SIPA1L3: variants seen among roughly 807,000 people sequenced by gnomAD.
SIPA1L3 encodes the protein signal-induced proliferation-associated 1-like protein 3.
SIPA1L3 carries 59 observed loss-of-function variants against 150.1 expected under a neutral mutation model. The ratio of observed to expected loss-of-function variants is 0.39; its 90% CI spans 0.32 to 0.49. The LOEUF (loss-of-function observed/expected upper bound fraction) is 0.49, where lower values mean the gene tolerates loss of function less well. Ranked by LOEUF, SIPA1L3 falls within the 20% of genes least tolerant of loss-of-function variation. The probability of loss-of-function intolerance (pLI) is 0.86; values close to 1 mark genes in which losing one functional copy is unlikely to be tolerated. For synonymous variants in SIPA1L3, 1,070 were observed against 1,077.6 expected, an observed-to-expected ratio of 0.99 and a Z score of 0.14; for missense variants, 2,211 against 2,489.5, an observed-to-expected ratio of 0.89 and a Z score of 2.38.
intron 2 of SIPA1L3, among the ~76,000 whole-genome samples, chr19:38,054,771 C>G (rs1197289367): frequency 7.5e-6 from 1 of 133,028 alleles, no homozygotes. Context: ...CCCTCCCACA[C>G]AGCCGTGAAG....
intron 1 of SIPA1L3, among the ~76,000 whole-genome samples, chr19:38,006,768 C>T (rs1375358990): frequency 6.6e-6 from 1 of 152,174 alleles, no homozygotes; most frequent in African/African-American, 2.4e-5. Flanking sequence ...CGGGCACACA[C>T]CCACCTTTCA....
At position 38,079,894 on chromosome 19, in the gene SIPA1L3, C is replaced by G. The variant is rs1969938202; in HGVS notation, c.-310-1362C>G. Among the ~76,000 whole-genome samples, 3 of 152,088 alleles carry G rather than the reference C, an allele frequency of 2.0e-5. No homozygotes were observed. The South Asian group carries it at 6.2e-4, about 32-fold the overall frequency. On this transcript the variant is annotated intron_variant, in intron 2 of 21. Coordinates refer to ENST00000222345, the MANE Select transcript of SIPA1L3 (RefSeq NM_015073.3). ...GAAGAACTGACATCATGGGAAGGAA[C>G]CAGCCCCAAGAAGGACTGAGGAAGG...
chr19:38,175,988 A>G (rs1972427291), intron 15 of SIPA1L3, among the ~76,000 whole-genome samples: 1 of 152,096 alleles, frequency 6.6e-6, no homozygotes, highest in Non-Finnish European at 1.5e-5. Flanking sequence ...CGGGCGGATC[A>G]TGAGGTCAGA....
chr19:38,099,969 C>A lies in SIPA1L3; in HGVS notation c.1673C>A (p.Thr558Asn). ...CTTCTCTCCCTTGAGTAGCTCATCA[C>A]CCTGCGGGGCTCCATCCTGGAAGAT... ...RIIFRTRELI[T>N]LRGSILEDAT... Residue 558 changes from threonine to asparagine, a missense_variant, in exon 5 of 22, where the codon ACC becomes AAC. Physicochemically the swap from Thr to Asn is moderately conservative, Grantham distance 65. Around this residue, in one of 5 missense-constraint regions of SIPA1L3, gnomAD observed 625 missense variants for 804.2 expected, o/e 0.78. Transcript: ENST00000222345. 1.2e-6 allele frequency: 2 copies of A among 1,605,358 alleles called. No individual in the cohort carries two copies. Among genetic ancestry groups the A allele is most frequent in the Non-Finnish European group, 1.7e-6 (2 of 1,177,122 alleles).
intron 2 of SIPA1L3, among the ~76,000 whole-genome samples, chr19:38,055,965 C>A (rs1969304890): frequency 2.6e-5 from 4 of 152,226 alleles, no homozygotes. Flanking sequence ...GATTGACTGC[C>A]AGAGCCCAAA....
chr19:38,197,526 G>A (rs982332608), intron 18 of SIPA1L3, among the ~76,000 whole-genome samples: 7 of 151,606 alleles, frequency 4.6e-5, no homozygotes, highest in East Asian at 1.9e-4. Context: ...ATACACTGGC[G>A]ATTCCAATCA....
At chr19:37,940,963 C>T (rs1271492731) in intron 1 of SIPA1L3, among the ~76,000 whole-genome samples, 1 of 152,120 alleles carries the variant, frequency 6.6e-6, no homozygotes, top group African/African-American at 2.4e-5. Context: ...AGGCCTGGAT[C>T]TGACCGATCA....
At chr19:38,100,516 T>A (rs977587230) in intron 5 of SIPA1L3, among the ~76,000 whole-genome samples, 1 of 152,310 alleles carries the variant, frequency 6.6e-6, no homozygotes, top group African/African-American at 2.4e-5. Flanking sequence ...TACAGCCACA[T>A]GCAGACCCCA....
Position 37,937,697 on chromosome 19 carries a change from G to A in SIPA1L3, c.-379+30339G>A, listed in dbSNP as rs538492821. On this transcript the variant is annotated intron_variant, in intron 1 of 21. Coordinates refer to ENST00000222345, the MANE Select transcript of SIPA1L3 (RefSeq NM_015073.3). ...GTTGAGGCTGCAGTGAGCCTGGTTC[G>A]TGCCACTGCACTGTAGCCAGGGCGA... Among the ~76,000 whole-genome samples, 19 of 138,382 alleles carry A rather than the reference G, an allele frequency of 1.4e-4. No individual in the cohort carries two copies. The South Asian group carries it at 4.0e-3, about 29-fold the overall frequency. 90.8% of individuals were successfully genotyped at this position (138,382 alleles called of 152,430 possible).
intron 1 of SIPA1L3, among the ~76,000 whole-genome samples, chr19:38,021,812 C>T (rs1968378752): frequency 6.6e-6 from 1 of 152,230 alleles, no homozygotes; most frequent in African/African-American, 2.4e-5. Flanking sequence ...TCCCAAAGTA[C>T]TGGGATTACA....
At chr19:38,001,423 A>G (rs1967806401) in intron 1 of SIPA1L3, among the ~76,000 whole-genome samples, 2 of 152,100 alleles carry the variant, frequency 1.3e-5, no homozygotes, top group African/African-American at 2.4e-5. Context: ...CACATTTTTT[A>G]AAACTTAAAA....
intron 3 of SIPA1L3, among the ~76,000 whole-genome samples, chr19:38,087,510 T>A (rs1473685574): frequency 6.6e-6 from 1 of 152,194 alleles, no homozygotes; most frequent in Non-Finnish European, 1.5e-5. Flanking sequence ...GGTGGGTAGA[T>A]GCTAACTTTG....
intron 13 of SIPA1L3, among the ~76,000 whole-genome samples, chr19:38,160,387 A>G (rs1264055262): frequency 1.3e-5 from 2 of 150,160 alleles, no homozygotes; most frequent in South Asian, 2.1e-4. Context: ...ACCAGTTGAC[A>G]TCCAGAGCAG....
At chr19:38,142,279 G>A (rs997582094) in intron 11 of SIPA1L3, among the ~76,000 whole-genome samples, 7 of 152,164 alleles carry the variant, frequency 4.6e-5, no homozygotes, top group Non-Finnish European at 7.4e-5. Context: ...GTCCCCAGGG[G>A]GCAGAGGCGA....
chr19:38,012,278 G>A (rs1219111348), intron 1 of SIPA1L3, among the ~76,000 whole-genome samples: 2 of 151,902 alleles, frequency 1.3e-5, no homozygotes, highest in African/African-American at 2.4e-5. Context: ...AGAGATGGGG[G>A]TCTCACTATG....
chr19:37,988,845 G>T (rs1024099813), intron 1 of SIPA1L3, among the ~76,000 whole-genome samples: 3 of 152,048 alleles, frequency 2.0e-5, no homozygotes, highest in Non-Finnish European at 4.4e-5. Flanking sequence ...AACGCACCAG[G>T]CACGTTCGCT....
chr19:38,098,332 A>G (rs555259034), intron 4 of SIPA1L3, among the ~76,000 whole-genome samples: 3 of 151,100 alleles, frequency 2.0e-5, no homozygotes, highest in East Asian at 3.9e-4. Flanking sequence ...AGCTCCAAAC[A>G]TTTCATTCTC....
Position 38,081,788 on chromosome 19 carries a change from C to A in SIPA1L3, c.223C>A (p.Pro75Thr). Residue 75 changes from proline to threonine, a missense_variant, in exon 3 of 22, where the codon CCC (proline) becomes ACC (threonine). By Grantham distance (38) the Pro-to-Thr change is conservative. Around this residue, in one of 5 missense-constraint regions of SIPA1L3, gnomAD observed 130 missense variants for 174.5 expected, o/e 0.74. Coordinates refer to ENST00000222345, the MANE Select transcript of SIPA1L3 (RefSeq NM_015073.3). Reference sequence around the variant, plus strand: ...CCCCAGCCCCACCACTCCCGCAATGCCCAAGATGGGCGTGCGCGCAAGGGT... The same window carrying A: ...CCCCAGCCCCACCACTCCCGCAATGACCAAGATGGGCGTGCGCGCAAGGGT... ...TRPSPTTPAM[P>T]KMGVRARVAD... 1 of 1,612,344 alleles carries A rather than the reference C, an allele frequency of 6.2e-7. No individual in the cohort carries two copies. Among genetic ancestry groups the A allele is most frequent in the South Asian group, 1.1e-5 (1 of 91,030 alleles).
At position 38,202,015 on chromosome 19, in the gene SIPA1L3, A is replaced by T; in HGVS notation, c.5120+18A>T. 1 of 1,598,466 alleles carries T rather than the reference A, an allele frequency of 6.3e-7. No homozygotes were observed. Among genetic ancestry groups the T allele is most frequent in the African/African-American group, 1.3e-5 (1 of 74,478 alleles). On this transcript the variant is annotated intron_variant, in intron 20 of 21. Coordinates refer to ENST00000222345, the MANE Select transcript of SIPA1L3 (RefSeq NM_015073.3). The stretch of plus-strand genomic sequence containing the variant: ...ACCATGAGGTGAGGTTTCCCTGGGA[A>T]CACCCGGGTTCATACCAGCGGCAGG...
Sources: allele counts gnomAD v4.1 joint callset (sites outside exome capture counted in the v4.1 genomes callset), GRCh38; gene constraint gnomAD v4.1.1; regional missense constraint gnomAD v4.1.1; transcripts MANE v1.5; gene names NCBI Gene and HGNC (gene_info 2026-07-23, HGNC 2026-07-21).